Variants in CEP295NL observed in about 807,000 individuals in gnomAD.
CEP295NL encodes CEP295 N-terminal like.
In CEP295NL, 3 loss-of-function variants were observed where a neutral mutation model predicts 4.6. That is an observed-to-expected ratio of 0.65 (90% CI 0.30 to 1.69). CEP295NL has a LOEUF of 1.69. Among genes scored for constraint, CEP295NL ranks in the 40% most tolerant of loss-of-function variants. The probability of loss-of-function intolerance (pLI) is 0.10; values close to 1 mark genes in which losing one functional copy is unlikely to be tolerated. For missense variants in CEP295NL, 719 were observed against 769.0 expected, an observed-to-expected ratio of 0.93 and a Z score of 0.77; for synonymous variants, 295 against 312.2, an observed-to-expected ratio of 0.94 and a Z score of 0.58.
rs1369836830 is a variant in CEP295NL at position 78,893,447 on chromosome 17, C to G, written c.45-988G>C. Among the ~76,000 whole-genome samples the G allele has an allele frequency of 8.8e-3, 418 of 47,636 alleles. 5 individuals are homozygous for G. The highest frequency in any genetic ancestry group is 0.037 in the African/African-American group (313 of 8,478). 31.3% of individuals were successfully genotyped at this position (47,636 alleles called of 152,430 possible). ...TGTGTGCAGGGGTGTGTGCGTGGGG[C>G]TGTGTGTGCAGGGGTGTGTGTGCAT... On this transcript the variant is annotated intron_variant, in intron 2 of 2. Coordinates refer to ENST00000322630, the MANE Select transcript of CEP295NL (RefSeq NM_001243540.2).
rs1242939999 is a variant in CEP295NL at position 78,901,392 on chromosome 17, C to A, written c.44+393G>T. ...GATGCACGGGCTGAAGAACAAGGAG[C>A]AAATCTGAACGAGGGAGAGGTGTGT... is the stretch of plus-strand genomic sequence containing the variant. On this transcript the variant is annotated intron_variant, in intron 2 of 2. Coordinates refer to ENST00000322630, the MANE Select transcript of CEP295NL (RefSeq NM_001243540.2). The A allele has an allele frequency of 1.2e-5, 3 of 245,332 alleles. No homozygotes were observed. The South Asian group carries it at 1.7e-4, about 14-fold the overall frequency. 15.2% of individuals were successfully genotyped at this position (245,332 alleles called of 1,614,324 possible).
At chr17:78,900,504 C>T (rs949055030) in intron 2 of CEP295NL, among the ~76,000 whole-genome samples, 1 of 150,596 alleles carries the variant, frequency 6.6e-6, no homozygotes, top group Non-Finnish European at 1.5e-5. Flanking sequence ...AAGATCGCAC[C>T]ACTGTACTCT....
rs1295724644 is a variant in CEP295NL at position 78,891,504 on chromosome 17, T to C, written c.1000A>G (p.Lys334Glu). The change falls in exon 3 of 3, where the codon AAG becomes GAG. Residue 334 changes from lysine to glutamate, a missense_variant. Lys to Glu is a moderately conservative substitution (Grantham distance 56, BLOSUM62 1). Coordinates refer to ENST00000322630, the MANE Select transcript of CEP295NL (RefSeq NM_001243540.2). The surrounding 1 kb of genome is among the most constrained non-coding windows in gnomAD (Gnocchi z 4.5). ...SPASQCTLRE[K>E]NKWQKELELA... Reference sequence around the variant, plus strand: ...TCCAGCTCTTTCTGCCACTTGTTCTTCTCCCGGAGCGTGCACTGAGATGCT... The same window carrying C: ...TCCAGCTCTTTCTGCCACTTGTTCTCCTCCCGGAGCGTGCACTGAGATGCT... 6 of 1,551,182 alleles carry C rather than the reference T, an allele frequency of 3.9e-6. No homozygotes were observed. Among genetic ancestry groups the C allele is most frequent in the Non-Finnish European group, 5.2e-6 (6 of 1,147,126 alleles).
At chr17:78,893,461 G>C (rs537221803) in intron 2 of CEP295NL, among the ~76,000 whole-genome samples, 5 of 150,542 alleles carry the variant, frequency 3.3e-5, no homozygotes, top group African/African-American at 1.2e-4. Context: ...GTGTGCAGGG[G>C]TGTGTGTGCA....
Position 78,891,439 on chromosome 17 carries a change from C to T in CEP295NL, c.1065G>A (p.Leu355=). The T allele has an allele frequency of 1.9e-6, 3 of 1,550,934 alleles. No homozygotes were observed. Among genetic ancestry groups the T allele is most frequent in the Non-Finnish European group, 2.6e-6 (3 of 1,147,076 alleles). ...CCAGGTACAAGCACAGGTGTTTTTTCAGCTTTCTGTTTATATTAAACAACT... is the reference window on the plus strand; with the variant it reads ...CCAGGTACAAGCACAGGTGTTTTTTTAGCTTTCTGTTTATATTAAACAACT... ...FEELFNINRK[L]KKHLCLYLAL... The change falls in exon 3 of 3, where the codon CTG becomes CTA. Residue 355 remains leucine (L), a synonymous_variant. Transcript: ENST00000322630. The surrounding 1 kb of genome is among the most constrained non-coding windows in gnomAD (Gnocchi z 4.5).
Position 78,891,001 on chromosome 17 carries a change from G to C in CEP295NL, c.1503C>G (p.Ser501=), listed in dbSNP as rs1453926700. The change falls in exon 3 of 3, where the codon TCC becomes TCG. Residue 501 remains serine, a synonymous_variant. Transcript: ENST00000322630. The surrounding 1 kb of genome is among the most constrained non-coding windows in gnomAD (Gnocchi z 4.5). ...CCATCTCTGCTTTCTGCCTTTGCCT[G>C]GATGCCGTCGAGCCCACTCTGTCTG... is the stretch of plus-strand genomic sequence containing the variant. The part of the protein sequence containing the change: ...DQADRVGSTA[S]RQRQKAEMEQ... The C allele has an allele frequency of 6.4e-7, 1 of 1,551,184 alleles. No individual in the cohort carries two copies. The highest frequency in any genetic ancestry group is 1.2e-5 in the South Asian group (1 of 84,056).
rs759260945 is a variant in CEP295NL at position 78,891,668 on chromosome 17, C to T, written c.836G>A (p.Arg279Lys). The change falls in exon 3 of 3, where the codon AGG (arginine) becomes AAG (lysine). Residue 279 changes from arginine (R) to lysine (K), a missense_variant. By Grantham distance (26) the Arg-to-Lys change is conservative. Transcript: ENST00000322630. The surrounding 1 kb of genome is among the most constrained non-coding windows in gnomAD (Gnocchi z 4.5). ...KEKGTARAGR[R>K]QLGKGAVCFV... ...GCAAACTGCCCCCTTTCCCAGTTGC[C>T]TCCTCCCCGCCCGAGCTGTTCCTTT... 2.6e-6 allele frequency: 4 copies of T among 1,551,000 alleles called. No individual in the cohort carries two copies. Among genetic ancestry groups the T allele is most frequent in the East Asian group, 4.9e-5 (2 of 40,928 alleles).
intron 2 of CEP295NL, among the ~76,000 whole-genome samples, chr17:78,893,851 G>A (rs2069957551): frequency 6.6e-6 from 1 of 152,128 alleles, no homozygotes; most frequent in East Asian, 1.9e-4. Flanking sequence ...TAGGAAAGGA[G>A]GGGCATTTAC....
chr17:78,891,382 CCCAG>C lies in CEP295NL; in HGVS notation c.1118_1121del (p.Pro373ArgfsTer50). ...GCATCTCTGAGAAGGCATGCCCTTC[CCCAG>C]GTCTCTGGTCCATCCTGGGCTTCAG... is the stretch of plus-strand genomic sequence containing the variant. On this transcript the variant is annotated frameshift_variant, in exon 3 of 3. Coordinates refer to ENST00000322630, the MANE Select transcript of CEP295NL (RefSeq NM_001243540.2). LOFTEE classifies it low-confidence loss of function (END_TRUNC). The surrounding 1 kb of genome is among the most constrained non-coding windows in gnomAD (Gnocchi z 4.5). The C allele has an allele frequency of 6.4e-7, 1 of 1,550,680 alleles. No individual in the cohort carries two copies. Among genetic ancestry groups the C allele is most frequent in the Non-Finnish European group, 8.7e-7 (1 of 1,147,038 alleles).
chr17:78,901,661 T>G, intron 2 of CEP295NL, 124 bp downstream of exon 2: 2 of 710,560 alleles, frequency 2.8e-6, no homozygotes, highest in Non-Finnish European at 5.2e-6. Context: ...GACTTCACTC[T>G]GGGTGCCTCA....
Position 78,891,393 on chromosome 17 carries a change from G to C in CEP295NL, c.1111C>G (p.Gln371Glu). 1 of 1,550,650 alleles carries C rather than the reference G, an allele frequency of 6.4e-7. No homozygotes were observed. The highest frequency in any genetic ancestry group is 8.7e-7 in the Non-Finnish European group (1 of 1,147,046). The change falls in exon 3 of 3, where the codon CAG (glutamine) becomes GAG (glutamate). Residue 371 changes from glutamine (Q) to glutamate (E), a missense_variant. Gln to Glu is a conservative substitution (Grantham distance 29). Coordinates refer to ENST00000322630, the MANE Select transcript of CEP295NL (RefSeq NM_001243540.2). This position sits in a 1 kb window ranked among gnomAD's most constrained non-coding sequence, Gnocchi z 4.5. Reference protein sequence around the residue: ...LYLALKPRMDQRPGEGHAFSE... With the variant: ...LYLALKPRMDERPGEGHAFSE... ...AAGGCATGCCCTTCCCCAGGTCTCT[G>C]GTCCATCCTGGGCTTCAGTGCCAGG... is the stretch of plus-strand genomic sequence containing the variant.
At chr17:78,892,553 G>A in intron 2 of CEP295NL, 94 bp from the exon 3 acceptor site, 1 of 1,459,160 alleles carries the variant, frequency 6.9e-7, no homozygotes, top group Non-Finnish European at 9.1e-7. Context: ...CTCACTGTGA[G>A]GACAGGCTGC....
In CEP295NL at chr17:78,891,735, CG is replaced by C; in HGVS notation, c.768del (p.Val257TrpfsTer36). 1 of 1,551,254 alleles carries C rather than the reference CG, an allele frequency of 6.4e-7. No individual in the cohort carries two copies. The highest frequency in any genetic ancestry group is 8.7e-7 in the Non-Finnish European group (1 of 1,147,146). The part of the protein sequence containing the change: ...KGADLERSNP[L>X]VAAVGEIGLV... ...AGCCCGATTTCTCCCACAGCAGCCACGAGTGGGTTTGACCTTTCTAGGTCCG... is the reference window on the plus strand; with the variant it reads ...AGCCCGATTTCTCCCACAGCAGCCACAGTGGGTTTGACCTTTCTAGGTCCG... On this transcript the variant is annotated frameshift_variant, in exon 3 of 3. Coordinates refer to ENST00000322630, the MANE Select transcript of CEP295NL (RefSeq NM_001243540.2). LOFTEE classifies it low-confidence loss of function (END_TRUNC). This position sits in a 1 kb window ranked among gnomAD's most constrained non-coding sequence, Gnocchi z 4.5.
At chr17:78,900,257 T>G (rs1426524271) in intron 2 of CEP295NL, 1 of 152,040 alleles carries the variant, frequency 6.6e-6, no homozygotes, top group Admixed American at 6.6e-5. Flanking sequence ...AAAATTGTGG[T>G]TTTTTTGGCC....
At chr17:78,901,389 G>C (rs2145784531) in intron 2 of CEP295NL, 1 of 246,958 alleles carries the variant, frequency 4.0e-6, no homozygotes, top group African/African-American at 2.2e-5. Flanking sequence ...GAAGAACAAG[G>C]AGCAAATCTG....
intron 2 of CEP295NL, among the ~76,000 whole-genome samples, chr17:78,900,329 TCAC>T (rs1599168710): frequency 6.6e-6 from 1 of 152,094 alleles, no homozygotes; most frequent in East Asian, 1.9e-4. Context: ...CTGGATCACC[TCAC>T]GACAGGAGTT....
At chr17:78,897,850 G>C (rs557103676) in intron 2 of CEP295NL, 1 of 152,328 alleles carries the variant, frequency 6.6e-6, no homozygotes, top group East Asian at 1.9e-4. Flanking sequence ...GACTGTGAAA[G>C]GAGCCAGCGG....
At position 78,891,089 on chromosome 17, in the gene CEP295NL, T is replaced by G. The variant is rs774759246; in HGVS notation, c.1415A>C (p.Gln472Pro). ...DSLLYSTESGQETPKLGTLAE... is the reference protein window; with the variant it reads ...DSLLYSTESGPETPKLGTLAE... ...CAGCGTGCCCAGTTTGGGGGTCTCT[T>G]GTCCAGATTCAGTGCTATACAATAA... Residue 472 changes from glutamine (Q) to proline (P), a missense_variant, in exon 3 of 3, where the codon CAA (glutamine) becomes CCA (proline). Physicochemically the swap from Gln to Pro is moderately conservative, Grantham distance 76 (BLOSUM62 -1). Coordinates refer to ENST00000322630, the MANE Select transcript of CEP295NL (RefSeq NM_001243540.2). The surrounding 1 kb of genome is among the most constrained non-coding windows in gnomAD (Gnocchi z 4.5). The G allele has an allele frequency of 1.0e-5, 16 of 1,550,946 alleles. No individual in the cohort carries two copies. In the South Asian group the frequency reaches 1.9e-4, roughly 18 times the overall value.
At position 78,892,266 on chromosome 17, in the gene CEP295NL, G is replaced by A. The variant is rs1568000454; in HGVS notation, c.238C>T (p.His80Tyr). 6.4e-7 allele frequency: 1 copy of A among 1,550,836 alleles called. No individual in the cohort carries two copies. Among genetic ancestry groups the A allele is most frequent in the Middle Eastern group, 1.7e-4 (1 of 5,994 alleles). Residue 80 changes from histidine to tyrosine, a missense_variant, in exon 3 of 3, where the codon CAC (histidine) becomes TAC (tyrosine). Transcript: ENST00000322630. Reference protein sequence around the residue: ...DNEDLLWRKKHKLLQARGKGD... With the variant: ...DNEDLLWRKKYKLLQARGKGD... ...TTGCCCCGGGCTTGTAGCAATTTGT[G>A]CTTTTTCCTCCAAAGCAGGTCTTCG...
Sources: allele counts gnomAD v4.1 joint callset (sites outside exome capture counted in the v4.1 genomes callset), GRCh38; gene constraint gnomAD v4.1.1; non-coding constraint Gnocchi (gnomAD v3.1); transcripts MANE v1.5; gene names NCBI Gene and HGNC (gene_info 2026-07-23, HGNC 2026-07-21).